CNBD1: variants seen among roughly 807,000 people sequenced by gnomAD.
The protein encoded by CNBD1 is cyclic nucleotide-binding domain-containing protein 1.
In CNBD1, 71 loss-of-function variants were observed where a neutral mutation model predicts 54.4. The observed-to-expected ratio is 1.30, with a 90% CI of 1.08 to 1.59. The LOEUF is 1.59. Among genes scored for constraint, CNBD1 ranks in the 40% most tolerant of loss-of-function variants. CNBD1 has a pLI of 0.00. For synonymous variants in CNBD1, 182 were observed against 170.7 expected, an observed-to-expected ratio of 1.07 and a Z score of -0.51; for missense variants, 659 against 518.0, an observed-to-expected ratio of 1.27 and a Z score of -2.64.
At chr8:87,041,371 A>C (rs1003474333) in intron 4 of CNBD1, among the ~76,000 whole-genome samples, 3 of 152,160 alleles carry the variant, frequency 2.0e-5, no homozygotes, top group African/African-American at 4.8e-5. Context: ...CCAGTGTAAA[A>C]GTCTCAGGCA....
chr8:87,427,813 G>GT (rs905717293), intron 2 of CNBD1, among the ~76,000 whole-genome samples: 14 of 152,046 alleles, frequency 9.2e-5, no homozygotes, highest in Non-Finnish European at 4.4e-5. Flanking sequence ...CCTTGGTTTT[G>GT]TTTTTTCATG....
In CNBD1 at chr8:87,170,267, A is replaced by G. The variant is rs529788943; in HGVS notation, c.432-35726A>G. On this transcript the variant is annotated intron_variant, in intron 4 of 10. Transcript: ENST00000518476. Reference sequence around the variant, plus strand: ...GTGTGTGTTGATTTTATAACCTGCAACTTTACTAAATTTGTTTATCAGTTC... The same window carrying G: ...GTGTGTGTTGATTTTATAACCTGCAGCTTTACTAAATTTGTTTATCAGTTC... Among the ~76,000 whole-genome samples the G allele has an allele frequency of 4.1e-3, 620 of 152,212 alleles. 10 individuals are homozygous for G. Among genetic ancestry groups the G allele is most frequent in the South Asian group, 0.023 (112 of 4,828 alleles).
chr8:87,302,091 CTA>C (rs1809011129), intron 8 of CNBD1, among the ~76,000 whole-genome samples: 1 of 152,132 alleles, frequency 6.6e-6, no homozygotes, highest in African/African-American at 2.4e-5. Flanking sequence ...CCTTCTGAAA[CTA>C]TTCCAATCAA....
intron 4 of CNBD1, among the ~76,000 whole-genome samples, chr8:87,115,764 C>T (rs1524840): frequency 0.047 from 7,196 of 152,214 alleles, 542 homozygotes; most frequent in African/African-American, 0.16. Context: ...TTCTGTACCT[C>T]GTATCTCTCG....
chr8:87,220,247 G>T (rs965520065), intron 5 of CNBD1, among the ~76,000 whole-genome samples: 1 of 151,852 alleles, frequency 6.6e-6, no homozygotes, highest in Non-Finnish European at 1.5e-5. Flanking sequence ...TATTCCCTCT[G>T]CAATTGGCTT....
chr8:87,340,376 G>A (rs1810041130), intron 8 of CNBD1, among the ~76,000 whole-genome samples: 1 of 152,136 alleles, frequency 6.6e-6, no homozygotes, highest in African/African-American at 2.4e-5. Context: ...CTGTATGGGT[G>A]TGGAGTTCTT....
chr8:87,023,359 A>G (rs1287126315), intron 4 of CNBD1, among the ~76,000 whole-genome samples: 1 of 152,228 alleles, frequency 6.6e-6, no homozygotes, highest in Non-Finnish European at 1.5e-5. Context: ...ATGTAAAATA[A>G]TAATCTAGTG....
intron 2 of CNBD1, among the ~76,000 whole-genome samples, chr8:86,899,213 G>T (rs1037317719): frequency 6.6e-6 from 1 of 152,170 alleles, no homozygotes; most frequent in Non-Finnish European, 1.5e-5. Context: ...ATACAAAGTA[G>T]AATATATGTA....
At chr8:87,419,239 A>C (rs528794105) in intron 2 of CNBD1, among the ~76,000 whole-genome samples, 1 of 152,040 alleles carries the variant, frequency 6.6e-6, no homozygotes, top group South Asian at 2.1e-4. Flanking sequence ...AGAATAGGCA[A>C]ACATGTCTAG....
At chr8:87,099,111 A>G (rs1030311777) in intron 4 of CNBD1, among the ~76,000 whole-genome samples, 49 of 151,936 alleles carry the variant, frequency 3.2e-4, no homozygotes, top group African/African-American at 1.1e-3. Flanking sequence ...TGAAAAGACA[A>G]CCTCAATATA....
chr8:87,269,545 C>A lies in CNBD1; in HGVS notation c.772-15133C>A, dbSNP rs1372480046. ...TTTTAACAATATTTATTCTTGCTATCCACGAGCATGGAATATTTTTCCATT... is the reference window on the plus strand; with the variant it reads ...TTTTAACAATATTTATTCTTGCTATACACGAGCATGGAATATTTTTCCATT... On this transcript the variant is annotated intron_variant, in intron 6 of 10. Coordinates refer to ENST00000518476, the MANE Select transcript of CNBD1 (RefSeq NM_173538.3). 3.3e-5 allele frequency among the ~76,000 whole-genome samples: 5 copies of A among 152,204 alleles called. No individual in the cohort carries two copies. In the East Asian group the frequency reaches 9.6e-4, roughly 29 times the overall value.
At chr8:87,340,060 T>G (rs1342759655) in intron 8 of CNBD1, among the ~76,000 whole-genome samples, 1 of 152,240 alleles carries the variant, frequency 6.6e-6, no homozygotes, top group African/African-American at 2.4e-5. Context: ...TAGCATGTTT[T>G]GCCTAAGGCA....
At position 87,226,717 on chromosome 8, in the gene CNBD1, G is replaced by C. The variant is rs1029325021; in HGVS notation, c.578-10202G>C. On this transcript the variant is annotated intron_variant, in intron 5 of 10. Coordinates refer to ENST00000518476, the MANE Select transcript of CNBD1 (RefSeq NM_173538.3). ...TGGTGCTGAAAAAAATGTATATTCT[G>C]TTGATTTGGGTGGAGAGTTCTGTAG... Among the ~76,000 whole-genome samples, 97 of 151,970 alleles carry C rather than the reference G, an allele frequency of 6.4e-4. 1 individual carries two copies. The highest frequency in any genetic ancestry group is 7.9e-4 in the Non-Finnish European group (54 of 68,030).
chr8:87,087,274 C>CGT (rs1491413298), intron 4 of CNBD1, among the ~76,000 whole-genome samples: 2 of 139,956 alleles, frequency 1.4e-5, no homozygotes, highest in African/African-American at 5.4e-5. Context: ...TATATATATA[C>CGT]GTATATATAT....
At chr8:87,319,054 A>G (rs950932905) in intron 8 of CNBD1, among the ~76,000 whole-genome samples, 12 of 152,104 alleles carry the variant, frequency 7.9e-5, no homozygotes, top group Admixed American at 2.0e-4. Context: ...GATCAACATA[A>G]TGGTGTGTGT....
intron 4 of CNBD1, among the ~76,000 whole-genome samples, chr8:86,952,180 T>G (rs557459211): frequency 6.6e-6 from 1 of 152,270 alleles, no homozygotes; most frequent in African/African-American, 2.4e-5. Flanking sequence ...GATTGATGTC[T>G]CATATCTCCC....
intron 8 of CNBD1, among the ~76,000 whole-genome samples, chr8:87,341,680 T>C (rs1196135732): frequency 6.6e-6 from 1 of 152,238 alleles, no homozygotes; most frequent in Non-Finnish European, 1.5e-5. Flanking sequence ...TGCTCTCTCT[T>C]TTCCTTTTGC....
intron 8 of CNBD1, among the ~76,000 whole-genome samples, chr8:87,338,336 C>A (rs577884070): frequency 6.6e-6 from 1 of 151,946 alleles, no homozygotes; most frequent in African/African-American, 2.4e-5. Context: ...CTAAATATTT[C>A]TTTTAATATT....
intron 4 of CNBD1, among the ~76,000 whole-genome samples, chr8:87,059,376 A>G (rs1810494907): frequency 6.6e-6 from 1 of 152,152 alleles, no homozygotes; most frequent in Non-Finnish European, 1.5e-5. Context: ...CACATTTTCA[A>G]GCTCCTTATA....
Sources: gnomAD v4.1 joint callset for allele counts (sites outside exome capture counted in the v4.1 genomes callset) on GRCh38, gnomAD v4.1.1 for gene constraint, MANE v1.5 for transcripts, NCBI Gene and HGNC (gene_info 2026-07-23, HGNC 2026-07-21) for gene names.